Variants in SOS2 observed in about 807,000 individuals in gnomAD.
The protein encoded by SOS2 is son of sevenless homolog 2.
A neutral mutation model predicts 148.2 loss-of-function variants in SOS2; 65 were observed. That is an observed-to-expected ratio of 0.44 (90% CI 0.36 to 0.54). The LOEUF is 0.54. Among genes scored for constraint, SOS2 ranks in the 20% least tolerant of loss-of-function variants. The pLI, the probability that SOS2 is intolerant of heterozygous loss-of-function variation, is 0.00. For synonymous variants in SOS2, 539 were observed against 537.1 expected (o/e 1.00, Z -0.05); for missense variants, 1,341 against 1,590.2 (o/e 0.84, Z 2.67).
At chr14:50,218,224 A>AGG (rs1171829426) in intron 1 of SOS2, among the ~76,000 whole-genome samples, 14 of 92,984 alleles carry the variant, frequency 1.5e-4, no homozygotes, top group Admixed American at 1.4e-3. Context: ...AAAGGAAAAA[A>AGG]AAAAAAAAAA....
intron 21 of SOS2, among the ~76,000 whole-genome samples, chr14:50,121,981 C>A (rs1456892938): frequency 1.3e-5 from 2 of 152,200 alleles, no homozygotes; most frequent in African/African-American, 4.8e-5. Flanking sequence ...ACTTTCTTAA[C>A]ATGATCAGAT....
chr14:50,197,689 C>CTTTT (rs35121759), intron 4 of SOS2, among the ~76,000 whole-genome samples: 8 of 125,852 alleles, frequency 6.4e-5, no homozygotes, highest in African/African-American at 2.4e-4. Flanking sequence ...GCTTTACCAC[C>CTTTT]TTTTTTTTTT....
intron 17 of SOS2, among the ~76,000 whole-genome samples, chr14:50,139,277 CA>C (rs1884185923): frequency 1.4e-5 from 2 of 145,168 alleles, no homozygotes; most frequent in Admixed American, 1.4e-4. Context: ...CATTCATGAA[CA>C]ATAAAAAAGT....
At chr14:50,138,178 C>T (rs888543360) in intron 18 of SOS2, among the ~76,000 whole-genome samples, 2 of 144,328 alleles carry the variant, frequency 1.4e-5, no homozygotes, top group Non-Finnish European at 3.0e-5. Context: ...TATTTTGAGA[C>T]AGAAGTCTTA....
In SOS2 at chr14:50,138,742, T is replaced by C; in HGVS notation, c.2828A>G (p.Asn943Ser). The change falls in exon 18 of 23, where the codon AAT (asparagine) becomes AGT (serine). Residue 943 changes from asparagine to serine, a missense_variant. By Grantham distance (46) the Asn-to-Ser change is conservative. Coordinates refer to ENST00000216373, the MANE Select transcript of SOS2 (RefSeq NM_006939.4). ...TNILKTEEGN[N>S]DFLKKKGKDL... ...TTTCCCTTTCTTTTTTAAAAAATCA[T>C]TATTCCCTTCTTCGGTCTTCAGAAT... 1 of 1,169,324 alleles carries C rather than the reference T, an allele frequency of 8.6e-7. No individual in the cohort carries two copies. Among genetic ancestry groups the C allele is most frequent in the Non-Finnish European group, 1.3e-6 (1 of 796,840 alleles). The allele number at this position is 1,169,324 out of a possible 1,614,324, so 72.4% of individuals were successfully genotyped here.
At chr14:50,206,369 C>A (rs1241481752) in intron 1 of SOS2, among the ~76,000 whole-genome samples, 1 of 152,142 alleles carries the variant, frequency 6.6e-6, no homozygotes, top group Non-Finnish European at 1.5e-5. Context: ...CTGTGGATAC[C>A]CAAATCCATG....
chr14:50,218,081 T>C (rs1887087175), intron 1 of SOS2, among the ~76,000 whole-genome samples: 1 of 150,778 alleles, frequency 6.6e-6, no homozygotes, highest in African/African-American at 2.4e-5. Context: ...GATGATCATT[T>C]GAGGCCAGGA....
chr14:50,155,260 C>A (rs1419245749), intron 12 of SOS2, among the ~76,000 whole-genome samples: 1 of 149,222 alleles, frequency 6.7e-6, no homozygotes, highest in Non-Finnish European at 1.5e-5. Flanking sequence ...TTTATATAAA[C>A]AGGTTTAATA....
intron 16 of SOS2, among the ~76,000 whole-genome samples, chr14:50,143,715 T>G (rs1023304651): frequency 6.6e-6 from 1 of 152,140 alleles, no homozygotes; most frequent in Non-Finnish European, 1.5e-5. Flanking sequence ...GTGCTAGGAT[T>G]ACAGGTGAGC....
intron 16 of SOS2, among the ~76,000 whole-genome samples, chr14:50,143,269 G>A (rs1884353421): frequency 1.3e-5 from 2 of 151,136 alleles, no homozygotes; most frequent in South Asian, 4.2e-4. Context: ...AGACTGCAGT[G>A]GGCTATGATC....
Position 50,118,775 on chromosome 14 carries a change from G to A in SOS2, c.3568C>T (p.Pro1190Ser), listed in dbSNP as rs1385319218. 6.2e-7 allele frequency: 1 copy of A among 1,603,190 alleles called. No individual in the cohort carries two copies. The highest frequency in any genetic ancestry group is 1.7e-4 in the Middle Eastern group (1 of 6,020). The change falls in exon 23 of 23, where the codon CCT (proline) becomes TCT (serine). Residue 1190 changes from proline (P) to serine (S), a missense_variant. Physicochemically the swap from Pro to Ser is moderately conservative, Grantham distance 74 (BLOSUM62 -1). Coordinates refer to ENST00000216373, the MANE Select transcript of SOS2 (RefSeq NM_006939.4). The stretch of plus-strand genomic sequence containing the variant: ...CCATCAAATGCACCAGTAGGAACAG[G>A]AACTCTGGGTTTTACCTTTGGAGGA... ...PPPPKVKPRV[P>S]VPTGAFDGPL...
chr14:50,127,982 G>C (rs1883736460), intron 21 of SOS2, among the ~76,000 whole-genome samples: 1 of 151,944 alleles, frequency 6.6e-6, no homozygotes, highest in Non-Finnish European at 1.5e-5. Context: ...TGTATAATAG[G>C]CTTCCACAAA....
chr14:50,222,248 A>G (rs988159661), intron 1 of SOS2, among the ~76,000 whole-genome samples: 5 of 152,260 alleles, frequency 3.3e-5, no homozygotes, highest in African/African-American at 1.2e-4. Context: ...GAAAATTTCT[A>G]GATGTCAGCA....
At chr14:50,195,565 C>T (rs1886287683) in intron 4 of SOS2, among the ~76,000 whole-genome samples, 1 of 152,218 alleles carries the variant, frequency 6.6e-6, no homozygotes, top group Non-Finnish European at 1.5e-5. Context: ...AATTCCAGAC[C>T]AGCCTGGGCA....
rs1248607661 is a variant in SOS2, at chr14:50,133,232, TTTC to T, written c.3075+888_3075+890del. Among the ~76,000 whole-genome samples, 3 of 124,116 alleles carry T rather than the reference TTTC, an allele frequency of 2.4e-5. No homozygotes were observed. In the Admixed American group the frequency reaches 2.9e-4, roughly 12 times the overall value. 81.4% of individuals were successfully genotyped at this position (124,116 alleles called of 152,430 possible). A position where few individuals can be genotyped will look rare whatever the true frequency, so the allele number is the denominator to read the frequency against. On this transcript the variant is annotated intron_variant, in intron 19 of 22. Transcript: ENST00000216373. ...TCATTCCATTTTTCCATGAACTTTT[TTTC>T]TTTTTTCTTTTTTCTTTTTTTTTTT...
chr14:50,204,906 T>TTTCTC (rs1175846610), intron 1 of SOS2, among the ~76,000 whole-genome samples: 2 of 145,120 alleles, frequency 1.4e-5, no homozygotes, highest in African/African-American at 5.1e-5. Flanking sequence ...TTTTCTTTCT[T>TTTCTC]TTTTTTTTTA....
rs1189649465 is a variant in SOS2, at chr14:50,182,564, A to G, written c.757T>C (p.Leu253=). The G allele has an allele frequency of 2.5e-6, 4 of 1,605,816 alleles. No homozygotes were observed. Among genetic ancestry groups the G allele is most frequent in the East Asian group, 2.2e-5 (1 of 44,834 alleles). The change falls in exon 6 of 23, where the codon TTG becomes CTG. Residue 253 remains leucine (L), a synonymous_variant. Transcript: ENST00000216373. ...IFSNISDIHE[L]TVKLLGLIED... Reference sequence around the variant, plus strand: ...ATCAAACCTAAAAGTTTCACAGTCAATTCATGTATATCTGAAATGTTACTA... The same window carrying G: ...ATCAAACCTAAAAGTTTCACAGTCAGTTCATGTATATCTGAAATGTTACTA...
chr14:50,188,819 T>C (rs1886010852), intron 4 of SOS2, 119 bp from the exon 5 acceptor site: 3 of 688,164 alleles, frequency 4.4e-6, no homozygotes, highest in Non-Finnish European at 7.1e-6. Context: ...TCCCAGCACT[T>C]TGGGAGGCCA....
chr14:50,144,605 T>A (rs760551234), intron 16 of SOS2, among the ~76,000 whole-genome samples: 1 of 151,668 alleles, frequency 6.6e-6, no homozygotes, highest in Non-Finnish European at 1.5e-5. Context: ...GCCCAGCTAA[T>A]TTTTGTATTT....
Sources: gnomAD v4.1 joint callset for allele counts (sites outside exome capture counted in the v4.1 genomes callset) on GRCh38, gnomAD v4.1.1 for gene constraint, MANE v1.5 for transcripts, NCBI Gene and HGNC (gene_info 2026-07-23, HGNC 2026-07-21) for gene names.